Variants in TRERF1 observed in about 807,000 individuals in gnomAD.
TRERF1 encodes transcriptional regulating factor 1, also known as transcriptional-regulating factor 1.
In TRERF1, 27 loss-of-function variants were observed where a neutral mutation model predicts 122.9. That is an observed-to-expected ratio of 0.22 (90% CI 0.16 to 0.30). The LOEUF is 0.30. Ranked by LOEUF, TRERF1 falls within the 10% of genes least tolerant of loss-of-function variation. The pLI is 1.00. For synonymous variants in TRERF1, 636 were observed against 641.7 expected (o/e 0.99, Z 0.13); for missense variants, 1,248 against 1,560.3 (o/e 0.80, Z 3.37).
chr6:42,351,506 T>C (rs960732228), intron 3 of TRERF1, among the ~76,000 whole-genome samples: 3 of 152,242 alleles, frequency 2.0e-5, no homozygotes, highest in African/African-American at 7.2e-5. Context: ...CTCAAAGCTA[T>C]TAATAGGATG....
rs188608397 is a variant in TRERF1, at chr6:42,442,381, G to T, written c.-454+8796C>A. On this transcript the variant is annotated intron_variant, in intron 2 of 17. Coordinates refer to ENST00000372922, the Ensembl canonical transcript of TRERF1. Reference sequence around the variant, plus strand: ...AAGACCCCTAGAGGCCCTCAGGAAGGATTCTTTCTGAGGGAGCAAGCTGTC... The same window carrying T: ...AAGACCCCTAGAGGCCCTCAGGAAGTATTCTTTCTGAGGGAGCAAGCTGTC... 3.9e-5 allele frequency among the ~76,000 whole-genome samples: 6 copies of T among 152,212 alleles called. 1 individual carries two copies. In the East Asian group the frequency reaches 1.2e-3, roughly 29 times the overall value.
Position 42,254,940 on chromosome 6 carries a change from G to C in TRERF1, c.2581-14C>G. 6.2e-7 allele frequency: 1 copy of C among 1,613,798 alleles called. No individual in the cohort carries two copies. The highest frequency in any genetic ancestry group is 1.3e-5 in the African/African-American group (1 of 75,030). Reference sequence around the variant, plus strand: ...TTCCAGAGCAACCTGCAGACCCAAAGGAGAGAAAAGGCAAGAGTCAGCAAC... The same window carrying C: ...TTCCAGAGCAACCTGCAGACCCAAACGAGAGAAAAGGCAAGAGTCAGCAAC... On this transcript the variant is annotated splice_polypyrimidine_tract_variant and intron_variant, in intron 12 of 17. Transcript: ENST00000372922.
chr6:42,252,698 G>A (rs6914356), intron 13 of TRERF1, among the ~76,000 whole-genome samples: 47,770 of 152,012 alleles, frequency 0.31, 7,514 homozygotes, highest in Non-Finnish European at 0.33. Flanking sequence ...GTGGTGGCTG[G>A]GACATGTGAT....
At chr6:42,324,809 A>G (rs1764007885) in intron 3 of TRERF1, among the ~76,000 whole-genome samples, 1 of 152,188 alleles carries the variant, frequency 6.6e-6, no homozygotes, top group African/African-American at 2.4e-5. Context: ...CTAGAAGAAA[A>G]CCTAGGAAAT....
chr6:42,288,466 G>A (rs1285668834), intron 4 of TRERF1, among the ~76,000 whole-genome samples: 1 of 151,728 alleles, frequency 6.6e-6, no homozygotes, highest in East Asian at 1.9e-4. Context: ...TACTCGGGAG[G>A]CTGAGGCAGG....
rs941757668 is a variant in TRERF1 at position 42,232,298 on chromosome 6, T to G, written c.3278+383A>C. Reference sequence around the variant, plus strand: ...TATGAGCCATCTGTGTTACAGAGAGTTCCTGATTAGATGTTGTAGAGCCAT... The same window carrying G: ...TATGAGCCATCTGTGTTACAGAGAGGTCCTGATTAGATGTTGTAGAGCCAT... On this transcript the variant is annotated intron_variant, in intron 17 of 17. Coordinates refer to ENST00000372922, the Ensembl canonical transcript of TRERF1. The surrounding 1 kb of genome is among the most constrained non-coding windows in gnomAD (Gnocchi z 4.5). Among the ~76,000 whole-genome samples, 1 of 152,052 alleles carries G rather than the reference T, an allele frequency of 6.6e-6. No homozygotes were observed. The highest frequency in any genetic ancestry group is 1.5e-5 in the Non-Finnish European group (1 of 68,008).
At chr6:42,294,684 T>C (rs534590558) in intron 4 of TRERF1, among the ~76,000 whole-genome samples, 1 of 152,314 alleles carries the variant, frequency 6.6e-6, no homozygotes, top group Admixed American at 6.5e-5. Context: ...GGGCACCTCC[T>C]GTCTCTATAC....
In TRERF1 at chr6:42,264,779, C is replaced by G. The variant is rs770044833; in HGVS notation, c.1560G>C (p.Glu520Asp). 8 of 1,614,262 alleles carry G rather than the reference C, an allele frequency of 5.0e-6. 1 individual carries two copies. The South Asian group carries it at 8.8e-5, about 18-fold the overall frequency. Residue 520 changes from glutamate to aspartate, a missense_variant, in exon 7 of 18, where the codon GAG becomes GAC. By Grantham distance (45) the Glu-to-Asp change is conservative (BLOSUM62 2). This residue lies in a region of TRERF1 where 946 missense variants were observed against 1,073.0 expected (regional missense o/e 0.88). Coordinates refer to ENST00000372922, the Ensembl canonical transcript of TRERF1. ...CATTCAGGGCAGGCAGGTTCTTGAA[C>G]TCCTTCAGGCAGATGGAGCATGTCA... is the stretch of plus-strand genomic sequence containing the variant.
intron 3 of TRERF1, among the ~76,000 whole-genome samples, chr6:42,339,613 G>A (rs539816825): frequency 6.6e-6 from 1 of 152,192 alleles, no homozygotes; most frequent in Non-Finnish European, 1.5e-5. Context: ...AGCACATAAG[G>A]ATATTTCACA....
At chr6:42,262,447 AGAGAGAGAGAGAGAGAGAG>A (rs1778208962) in intron 8 of TRERF1, among the ~76,000 whole-genome samples, 2 of 33,960 alleles carry the variant, frequency 5.9e-5, no homozygotes, top group Non-Finnish European at 1.2e-4. Flanking sequence ...AGAGAGAGAG[AGAGAGAGAGAGAGAGAGAG>A]GAGAGAGAGA....
At chr6:42,264,133 G>A (rs1778726611) in intron 7 of TRERF1, among the ~76,000 whole-genome samples, 1 of 152,178 alleles carries the variant, frequency 6.6e-6, no homozygotes, top group African/African-American at 2.4e-5. Flanking sequence ...TTTAAATTAA[G>A]AGTAACAATA....
At chr6:42,291,899 G>C (rs1784381372) in intron 4 of TRERF1, among the ~76,000 whole-genome samples, 1 of 152,122 alleles carries the variant, frequency 6.6e-6, no homozygotes, top group African/African-American at 2.4e-5. Context: ...GAAACAAATG[G>C]ATTAGATGAC....
At chr6:42,439,365 G>A (rs1022206890) in intron 2 of TRERF1, among the ~76,000 whole-genome samples, 6 of 152,148 alleles carry the variant, frequency 3.9e-5, no homozygotes, top group Admixed American at 2.0e-4. Context: ...GAGACAGTAC[G>A]TACCAGGCCC....
intron 3 of TRERF1, among the ~76,000 whole-genome samples, chr6:42,348,533 G>A (rs529965950): frequency 1.3e-5 from 2 of 152,178 alleles, no homozygotes; most frequent in Admixed American, 6.5e-5. Context: ...GATTACAGGC[G>A]TGAGCCATCG....
intron 2 of TRERF1, among the ~76,000 whole-genome samples, chr6:42,397,280 A>T (rs1043706211): frequency 1.3e-4 from 20 of 152,206 alleles, no homozygotes; most frequent in African/African-American, 4.8e-4. Context: ...GACAAAAACC[A>T]ACAGCCTCAG....
rs535178172 is a variant in TRERF1, at chr6:42,243,383, G to T, written c.2746-22C>A. On this transcript the variant is annotated intron_variant, in intron 14 of 17. Coordinates refer to ENST00000372922, the Ensembl canonical transcript of TRERF1. ...TCACCTGCCGGGAAAGCGAACTCAA[G>T]GTTAGCTCCAGCAATGGGCAGAGAG... The T allele has an allele frequency of 2.6e-6, 4 of 1,560,758 alleles. No homozygotes were observed. In the East Asian group the frequency reaches 9.0e-5, roughly 35 times the overall value.
At chr6:42,254,792 G>C in intron 13 of TRERF1, 59 bp downstream of exon 13, 1 of 1,509,670 alleles carries the variant, frequency 6.6e-7, no homozygotes, top group Non-Finnish European at 9.2e-7. Context: ...TGACACAACC[G>C]AACATGCAAG....
intron 4 of TRERF1, among the ~76,000 whole-genome samples, chr6:42,274,506 C>T (rs1177435917): frequency 6.6e-6 from 1 of 152,040 alleles, no homozygotes; most frequent in East Asian, 1.9e-4. Flanking sequence ...AAAACCCTGT[C>T]TCTACTAAAA....
chr6:42,363,351 C>T (rs1267823810), intron 2 of TRERF1, among the ~76,000 whole-genome samples: 1 of 152,206 alleles, frequency 6.6e-6, no homozygotes, highest in African/African-American at 2.4e-5. Flanking sequence ...CCCTCACACC[C>T]CACGTCTAAT....
Sources: gnomAD v4.1 joint callset for allele counts (sites outside exome capture counted in the v4.1 genomes callset) on GRCh38, gnomAD v4.1.1 for gene constraint, gnomAD v4.1.1 regional missense constraint, Gnocchi (gnomAD v3.1) non-coding constraint, MANE v1.5 for transcripts, NCBI Gene and HGNC (gene_info 2026-07-23, HGNC 2026-07-21) for gene names.